Variants in CTNNAL1 observed in about 807,000 individuals in gnomAD.
CTNNAL1 encodes catenin alpha like 1, also known as alpha-catulin.
A neutral mutation model predicts 93.6 loss-of-function variants in CTNNAL1; 69 were observed. That is an observed-to-expected ratio of 0.74 (90% confidence interval 0.61 to 0.90). The LOEUF is 0.90. CTNNAL1 is among the 40% of genes least tolerant of loss of function. The probability of loss-of-function intolerance (pLI) is 0.00; values close to 1 mark genes in which losing one functional copy is unlikely to be tolerated. For missense variants in CTNNAL1, 836 were observed against 862.0 expected, an observed-to-expected ratio of 0.97 and a Z score of 0.38; for synonymous variants, 286 against 305.4, an observed-to-expected ratio of 0.94 and a Z score of 0.66.
chr9:108,987,728 T>A (rs1037553657), intron 4 of CTNNAL1, among the ~76,000 whole-genome samples: 2 of 152,244 alleles, frequency 1.3e-5, no homozygotes, highest in African/African-American at 4.8e-5. Context: ...GTAGTTCTCC[T>A]TGAAGAGGTC....
At chr9:108,960,569 C>T (rs571710426) in intron 11 of CTNNAL1, among the ~76,000 whole-genome samples, 3 of 152,228 alleles carry the variant, frequency 2.0e-5, no homozygotes, top group South Asian at 4.1e-4. Flanking sequence ...ATTCTTGGCA[C>T]GATTGTGATC....
At chr9:108,994,841 C>T (rs1831955096) in intron 2 of CTNNAL1, among the ~76,000 whole-genome samples, 1 of 152,140 alleles carries the variant, frequency 6.6e-6, no homozygotes, top group Non-Finnish European at 1.5e-5. Context: ...TGAGAGAAGC[C>T]AGTTGCCATG....
At chr9:108,988,573 A>G (rs377742818) in intron 4 of CTNNAL1, among the ~76,000 whole-genome samples, 15 of 152,224 alleles carry the variant, frequency 9.9e-5, no homozygotes, top group African/African-American at 3.6e-4. Context: ...AAAACCTCCA[A>G]TGGCTCCCCA....
intron 2 of CTNNAL1, among the ~76,000 whole-genome samples, chr9:108,994,040 G>A (rs1013654083): frequency 2.0e-5 from 3 of 152,132 alleles, no homozygotes; most frequent in Admixed American, 6.6e-5. Flanking sequence ...GACAAGCCTG[G>A]CCAACATGGC....
In CTNNAL1 at chr9:108,952,256, A is replaced by G. The variant is rs746858898; in HGVS notation, c.1788T>C (p.Tyr596=). ...WEDQENEIVQ[Y]GRNMSSMAYS... ...AGGCCATACTGGACATGTTCCGTCC[A>G]TATTGAACAATCTCATTCTCCTGAT... Residue 596 remains tyrosine, a synonymous_variant, in exon 14 of 19, where the codon TAT becomes TAC. Coordinates refer to ENST00000325551, the MANE Select transcript of CTNNAL1 (RefSeq NM_003798.4). The G allele has an allele frequency of 1.2e-6, 2 of 1,614,216 alleles. No individual in the cohort carries two copies. Among genetic ancestry groups the G allele is most frequent in the South Asian group, 1.1e-5 (1 of 91,084 alleles).
intron 10 of CTNNAL1, among the ~76,000 whole-genome samples, chr9:108,970,020 A>G (rs114219878): frequency 6.6e-6 from 1 of 152,162 alleles, no homozygotes; most frequent in Non-Finnish European, 1.5e-5. Context: ...TTTGTGTTTT[A>G]GTCTCATGTC....
chr9:108,987,531 T>C (rs1004260403), intron 4 of CTNNAL1, among the ~76,000 whole-genome samples: 4 of 151,672 alleles, frequency 2.6e-5, no homozygotes, highest in Admixed American at 1.3e-4. Context: ...TGGTTCCATA[T>C]GAACTTTAAA....
At chr9:108,984,545 A>T (rs1380849496) in intron 4 of CTNNAL1, 109 bp from the exon 5 acceptor site, 8 of 478,342 alleles carry the variant, frequency 1.7e-5, no homozygotes, top group African/African-American at 1.5e-4. Flanking sequence ...AACATTGTTA[A>T]GTGAAAAAAA....
intron 14 of CTNNAL1, chr9:108,950,433 A>G: frequency 6.8e-7 from 1 of 1,474,826 alleles, no homozygotes; most frequent in Non-Finnish European, 9.1e-7. Context: ...GGAAAATATG[A>G]TAAGGTACTG....
chr9:108,972,864 G>GGGGGGGGGCGCCCCCCCC, intron 8 of CTNNAL1, 31 bp from the exon 9 acceptor site: 3 of 142,548 alleles, frequency 2.1e-5, no homozygotes, highest in South Asian at 1.2e-4. Context: ...GGGGGGGTGG[G>GGGGGGGGGCGCCCCCCCC]AGGGTGGAGA....
At chr9:108,972,864 G>GGGGGGGGGGGCCCCCCCCCC in intron 8 of CTNNAL1, 31 bp from the exon 9 acceptor site, 27 of 142,336 alleles carry the variant, frequency 1.9e-4, no homozygotes, top group Non-Finnish European at 2.6e-4. Flanking sequence ...GGGGGGGTGG[G>GGGGGGGGGGGCCCCCCCCCC]AGGGTGGAGA....
In CTNNAL1 at chr9:108,992,669, C is replaced by CG; in HGVS notation, c.481dup (p.Arg161ProfsTer5). ...TGTTATTATCTGTTTAATGACTACTCGGTCTGCCAGCAACAACACTTTTGT... is the reference window on the plus strand; with the variant it reads ...TGTTATTATCTGTTTAATGACTACTCGGGTCTGCCAGCAACAACACTTTTGT... On this transcript the variant is annotated frameshift_variant, in exon 3 of 19. Transcript: ENST00000325551. LOFTEE classifies it high-confidence loss of function. 1 of 1,613,436 alleles carries CG rather than the reference C, an allele frequency of 6.2e-7. No homozygotes were observed. The highest frequency in any genetic ancestry group is 8.5e-7 in the Non-Finnish European group (1 of 1,179,722).
chr9:108,991,960 G>T, intron 3 of CTNNAL1: 1 of 689,762 alleles, frequency 1.4e-6, no homozygotes, highest in South Asian at 1.6e-5. Context: ...TGTAAGTTTT[G>T]AGATTATTCA....
At position 108,999,153 on chromosome 9, in the gene CTNNAL1, A is replaced by C; in HGVS notation, c.245T>G (p.Phe82Cys). 6.2e-7 allele frequency: 1 copy of C among 1,613,826 alleles called. No individual in the cohort carries two copies. The highest frequency in any genetic ancestry group is 1.1e-5 in the South Asian group (1 of 90,990). Residue 82 changes from phenylalanine to cysteine, a missense_variant, in exon 2 of 19, where the codon TTT (phenylalanine) becomes TGT (cysteine). Transcript: ENST00000325551. ...GQAVNLAVGR[F>C]VKVGEAIANE... Reference sequence around the variant, plus strand: ...GGCTATAGCTTCTCCTACTTTAACAAATCTTCCAACTGCCAAGTTGACAGC... The same window carrying C: ...GGCTATAGCTTCTCCTACTTTAACACATCTTCCAACTGCCAAGTTGACAGC...
intron 4 of CTNNAL1, among the ~76,000 whole-genome samples, chr9:108,987,702 C>T (rs537772219): frequency 2.6e-5 from 4 of 152,274 alleles, no homozygotes; most frequent in South Asian, 4.1e-4. Context: ...TCTTTTATTT[C>T]ATTGAGCAGT....
Position 108,990,560 on chromosome 9 carries a change from T to G in CTNNAL1, c.639+166A>C, listed in dbSNP as rs551753626. On this transcript the variant is annotated intron_variant, in intron 4 of 18. Transcript: ENST00000325551. ...TTATAAATGTACAAAAAAAGACATATAGATCTACTTACTTTATCCTGGCTT... is the reference window on the plus strand; with the variant it reads ...TTATAAATGTACAAAAAAAGACATAGAGATCTACTTACTTTATCCTGGCTT... 8.5e-5 allele frequency among the ~76,000 whole-genome samples: 13 copies of G among 152,314 alleles called. No homozygotes were observed. The East Asian group carries it at 2.5e-3, about 29-fold the overall frequency.
intron 6 of CTNNAL1, among the ~76,000 whole-genome samples, chr9:108,980,078 T>A (rs1215784720): frequency 2.0e-5 from 3 of 152,224 alleles, no homozygotes; most frequent in Non-Finnish European, 4.4e-5. Context: ...AACCATCTGA[T>A]ACTGCCACCT....
At chr9:108,979,567 G>T in intron 6 of CTNNAL1, 86 bp from the exon 7 acceptor site, 1 of 1,233,244 alleles carries the variant, frequency 8.1e-7, no homozygotes, top group Non-Finnish European at 1.2e-6. Flanking sequence ...ACAGTGCCCA[G>T]GAAAACACTA....
chr9:108,986,942 G>A (rs920005757), intron 4 of CTNNAL1, among the ~76,000 whole-genome samples: 5 of 152,174 alleles, frequency 3.3e-5, no homozygotes, highest in African/African-American at 9.7e-5. Context: ...TTTGTCAGAT[G>A]AGTAGGTTGC....
Sources: gnomAD v4.1 joint callset for allele counts (sites outside exome capture counted in the v4.1 genomes callset) on GRCh38, gnomAD v4.1.1 for gene constraint, MANE v1.5 for transcripts, NCBI Gene and HGNC (gene_info 2026-07-23, HGNC 2026-07-21) for gene names.